The following SAMMSON variants were observed in gnomAD, a reference collection of about 807,000 sequenced individuals.
The protein encoded by SAMMSON is long intergenic non-protein coding RNA 1212.
intron 4 of SAMMSON, chr3:70,206,588 A>T: frequency 2.5e-6 from 1 of 397,778 alleles, no homozygotes. Context: ...CTCTGTGATG[A>T]ACTGAAGTAT....
At position 70,194,962 on chromosome 3, in the gene SAMMSON, T is replaced by A. The variant is rs144637006; in HGVS notation, n.508-54145T>A. ...ACTAGGAGGTGCAAGGAAACAACTG[T>A]TGATGAGTCAGTCTGGTAGTGTTTT... On this transcript the variant is annotated intron_variant and non_coding_transcript_variant, in intron 4 of 9. Transcript: ENST00000642114. Among the ~76,000 whole-genome samples the A allele has an allele frequency of 9.5e-3, 1,451 of 152,200 alleles. 21 individuals carry two copies. Among genetic ancestry groups the A allele is most frequent in the Middle Eastern group, 0.024 (7 of 294 alleles).
At chr3:70,428,392 A>G (rs1297875647) in intron 2 of SAMMSON, among the ~76,000 whole-genome samples, 2 of 152,232 alleles carry the variant, frequency 1.3e-5, no homozygotes, top group East Asian at 3.8e-4. Flanking sequence ...TAGACATGTA[A>G]AACAATAGAA....
At chr3:70,024,102 A>G (rs752291048) in intron 3 of SAMMSON, among the ~76,000 whole-genome samples, 4 of 151,940 alleles carry the variant, frequency 2.6e-5, no homozygotes, top group Admixed American at 6.6e-5. Flanking sequence ...CTGGGATTGC[A>G]CTCTCATTAT....
At chr3:70,136,054 G>A (rs750852808) in intron 4 of SAMMSON, among the ~76,000 whole-genome samples, 5 of 151,954 alleles carry the variant, frequency 3.3e-5, no homozygotes, top group Admixed American at 6.6e-5. Flanking sequence ...CACAAAATTG[G>A]AATATTTTAA....
chr3:70,231,456 G>A (rs774615267), intron 4 of SAMMSON, among the ~76,000 whole-genome samples: 1 of 152,192 alleles, frequency 6.6e-6, no homozygotes, highest in African/African-American at 2.4e-5. Context: ...CTCTAAAAGA[G>A]CTCCCTTCTA....
intron 4 of SAMMSON, among the ~76,000 whole-genome samples, chr3:70,130,807 G>A (rs368763425): frequency 1.3e-5 from 2 of 152,058 alleles, no homozygotes; most frequent in Non-Finnish European, 1.5e-5. Context: ...AATCTTCAAG[G>A]ACTCTAAAGA....
intron 3 of SAMMSON, among the ~76,000 whole-genome samples, chr3:70,052,062 C>G (rs2067148415): frequency 6.6e-6 from 1 of 152,010 alleles, no homozygotes; most frequent in African/African-American, 2.4e-5. Context: ...TGCACCACTG[C>G]ATGCCAGCCT....
chr3:70,287,579 A>C (rs1702179212), intron 6 of SAMMSON, among the ~76,000 whole-genome samples: 1 of 152,040 alleles, frequency 6.6e-6, no homozygotes, highest in Non-Finnish European at 1.5e-5. Context: ...TCATAAAATG[A>C]GTGAGGGAGG....
intron 9 of SAMMSON, among the ~76,000 whole-genome samples, chr3:70,380,774 ATGAG>A (rs1241286473): frequency 6.6e-6 from 1 of 150,784 alleles, no homozygotes. Flanking sequence ...ATTCCCACCT[ATGAG>A]TGAGAGTATG....
At chr3:70,259,632 T>G (rs1242891226) in intron 6 of SAMMSON, among the ~76,000 whole-genome samples, 1 of 152,162 alleles carries the variant, frequency 6.6e-6, no homozygotes, top group African/African-American at 2.4e-5. Flanking sequence ...CTCTACACCC[T>G]GAAAGTCTGA....
intron 9 of SAMMSON, among the ~76,000 whole-genome samples, chr3:70,382,966 T>C (rs966245484): frequency 2.0e-5 from 3 of 152,216 alleles, no homozygotes; most frequent in African/African-American, 7.2e-5. Context: ...GTTTTGCATA[T>C]TGGTTTGTTT....
chr3:70,016,538 C>T (rs1285375128), intron 3 of SAMMSON, among the ~76,000 whole-genome samples: 1 of 151,942 alleles, frequency 6.6e-6, no homozygotes, highest in Non-Finnish European at 1.5e-5. Context: ...CTGTAGGTTG[C>T]CTGTTCACTC....
rs192308300 is a variant in SAMMSON at position 70,182,749 on chromosome 3, G to A, written n.508-66358G>A. ...CCGTTCTTAGTGATGTAAATTTCTT[G>A]CTAATTTAGGGCAATTGTGGCTTAG... On this transcript the variant is annotated intron_variant and non_coding_transcript_variant, in intron 4 of 9. Transcript: ENST00000642114. 3.7e-3 allele frequency among the ~76,000 whole-genome samples: 557 copies of A among 152,178 alleles called. 14 individuals are homozygous for A. Among genetic ancestry groups the A allele is most frequent in the Admixed American group, 0.034 (519 of 15,286 alleles).
At chr3:70,281,257 G>A (rs528685503) in intron 6 of SAMMSON, among the ~76,000 whole-genome samples, 16 of 152,068 alleles carry the variant, frequency 1.1e-4, no homozygotes, top group African/African-American at 2.7e-4. Flanking sequence ...TTTCTTCAAG[G>A]TAACCTCCCC....
chr3:70,220,562 A>T (rs1433444108), intron 4 of SAMMSON, among the ~76,000 whole-genome samples: 1 of 152,200 alleles, frequency 6.6e-6, no homozygotes, highest in Non-Finnish European at 1.5e-5. Flanking sequence ...GAATTTCAAC[A>T]TACAAAACTA....
intron 4 of SAMMSON, among the ~76,000 whole-genome samples, chr3:70,121,298 G>A (rs2067432157): frequency 6.6e-6 from 1 of 152,122 alleles, no homozygotes; most frequent in Non-Finnish European, 1.5e-5. Context: ...CTGGTCCCTG[G>A]CCCGAGGGTT....
intron 4 of SAMMSON, among the ~76,000 whole-genome samples, chr3:70,147,884 T>C (rs2067555767): frequency 6.6e-6 from 1 of 152,048 alleles, no homozygotes; most frequent in East Asian, 1.9e-4. Context: ...GGGATAAAAG[T>C]ATTTAAAAAT....
Position 70,303,581 on chromosome 3 carries a change from G to T in SAMMSON, n.739+12338G>T, listed in dbSNP as rs566021745. On this transcript the variant is annotated intron_variant and non_coding_transcript_variant, in intron 7 of 9. Transcript: ENST00000642114. Reference sequence around the variant, plus strand: ...ATAAATTACCTTTTTCATTAATGTAGCCAGAATCAGTATATGTTATTTTCC... The same window carrying T: ...ATAAATTACCTTTTTCATTAATGTATCCAGAATCAGTATATGTTATTTTCC... 1.6e-4 allele frequency among the ~76,000 whole-genome samples: 24 copies of T among 152,208 alleles called. No homozygotes were observed. In the South Asian group the frequency reaches 4.6e-3, roughly 29 times the overall value.
At chr3:70,174,340 A>G (rs1178090785) in intron 4 of SAMMSON, among the ~76,000 whole-genome samples, 17 of 151,974 alleles carry the variant, frequency 1.1e-4, no homozygotes, top group Admixed American at 9.9e-4. Context: ...ATTTTTAAGT[A>G]CACTTTAAGG....
Sources: allele counts gnomAD v4.1 joint callset (sites outside exome capture counted in the v4.1 genomes callset), GRCh38; gene constraint gnomAD v4.1.1; transcripts MANE v1.5; gene names NCBI Gene and HGNC (gene_info 2026-07-23, HGNC 2026-07-21).